WDR33: variants seen among roughly 807,000 people sequenced by gnomAD.
WDR33 encodes the protein WD repeat domain 33.
In WDR33, 47 loss-of-function variants were observed where a neutral mutation model predicts 164.9. The observed-to-expected ratio is 0.29, with a 90% confidence interval of 0.23 to 0.36. The LOEUF (loss-of-function observed/expected upper bound fraction) is 0.36. Ranked by LOEUF, WDR33 falls within the 10% of genes least tolerant of loss-of-function variation. The pLI, the probability that WDR33 is intolerant of heterozygous loss-of-function variation, is 1.00. For missense variants in WDR33, 1,137 were observed against 1,754.1 expected (o/e 0.65, Z 6.28); for synonymous variants, 505 against 589.0 (o/e 0.86, Z 2.06).
chr2:127,781,673 A>G (rs75749918), intron 1 of WDR33, among the ~76,000 whole-genome samples: 4,093 of 152,278 alleles, frequency 0.027, 201 homozygotes, highest in African/African-American at 0.093. Flanking sequence ...TTAAAAGTTA[A>G]CATGAGCAAT....
intron 7 of WDR33, among the ~76,000 whole-genome samples, chr2:127,753,247 G>C (rs1192984163): frequency 6.6e-6 from 1 of 152,176 alleles, no homozygotes; most frequent in Non-Finnish European, 1.5e-5. Flanking sequence ...ACTTCAAAAA[G>C]ACCAATTCTA....
rs908553178 is a variant in WDR33, at chr2:127,711,920, G to T, written c.3308+1663C>A. Among the ~76,000 whole-genome samples the T allele has an allele frequency of 2.0e-5, 3 of 150,438 alleles. No homozygotes were observed. The South Asian group carries it at 6.3e-4, about 32-fold the overall frequency. ...TCCGAGTAGCTGGGATTACAGGCACGCACCACCATGCCCGGCTAATTTTTT... is the reference window on the plus strand; with the variant it reads ...TCCGAGTAGCTGGGATTACAGGCACTCACCACCATGCCCGGCTAATTTTTT... On this transcript the variant is annotated intron_variant, in intron 18 of 21. Transcript: ENST00000322313.
intron 1 of WDR33, among the ~76,000 whole-genome samples, chr2:127,800,207 T>C (rs1689186306): frequency 6.6e-6 from 1 of 152,226 alleles, no homozygotes; most frequent in African/African-American, 2.4e-5. Flanking sequence ...TGTACGTGAA[T>C]GTTTACAGCA....
chr2:127,788,467 G>T (rs1157258879), intron 1 of WDR33, among the ~76,000 whole-genome samples: 1 of 130,378 alleles, frequency 7.7e-6, no homozygotes. Context: ...CTGGCCGGGC[G>T]GGGGGCTGAC....
chr2:127,791,811 A>C (rs1189417282), intron 1 of WDR33, among the ~76,000 whole-genome samples: 1 of 152,228 alleles, frequency 6.6e-6, no homozygotes, highest in East Asian at 1.9e-4. Flanking sequence ...ATGAGGTAAA[A>C]GTAACATACC....
Position 127,706,427 on chromosome 2 carries a change from G to T in WDR33, c.3907C>A (p.Pro1303Thr), listed in dbSNP as rs140993885. 1 of 1,613,744 alleles carries T rather than the reference G, an allele frequency of 6.2e-7. No individual in the cohort carries two copies. Among genetic ancestry groups the T allele is most frequent in the East Asian group, 2.2e-5 (1 of 44,856 alleles). ...PFGGPPGSGT[P>T]SRGGRSGSNW... ...CTGCCACTCCGGCCCCCTCGAGAAG[G>T]GGTGCCACTGCCTGGAGGGCCCCCA... Residue 1303 changes from proline (P) to threonine (T), a missense_variant, in exon 22 of 22, where the codon CCT (proline) becomes ACT (threonine). This residue lies in a region of WDR33 where 867 missense variants were observed against 1,073.0 expected (regional missense o/e 0.81). Coordinates refer to ENST00000322313, the MANE Select transcript of WDR33 (RefSeq NM_018383.5). This position sits in a 1 kb window ranked among gnomAD's most constrained non-coding sequence, Gnocchi z 5.1.
intron 1 of WDR33, among the ~76,000 whole-genome samples, chr2:127,776,219 AG>A (rs1688179608): frequency 6.6e-6 from 1 of 152,216 alleles, no homozygotes. Flanking sequence ...GGACAGAGAG[AG>A]AAGACAGCCA....
intron 7 of WDR33, among the ~76,000 whole-genome samples, chr2:127,732,236 G>A (rs920619326): frequency 2.6e-5 from 4 of 151,434 alleles, no homozygotes; most frequent in African/African-American, 7.3e-5. Flanking sequence ...GCTAGTAACC[G>A]TTTTTTAGGG....
In WDR33 at chr2:127,764,704, T is replaced by C; in HGVS notation, c.626+124A>G. On this transcript the variant is annotated intron_variant, in intron 6 of 21. Transcript: ENST00000322313. This position sits in a 1 kb window ranked among gnomAD's most constrained non-coding sequence, Gnocchi z 6.2. ...TGAAAACAAAGAAAAATATTGTGTT[T>C]ATAGGGTGCAGAAAGTTTCCCAGAA... is the stretch of plus-strand genomic sequence containing the variant. The C allele has an allele frequency of 6.2e-7, 1 of 1,612,296 alleles. No individual in the cohort carries two copies. Among genetic ancestry groups the C allele is most frequent in the Non-Finnish European group, 8.5e-7 (1 of 1,179,022 alleles).
intron 1 of WDR33, among the ~76,000 whole-genome samples, chr2:127,774,314 A>C (rs1483095267): frequency 6.6e-6 from 1 of 151,976 alleles, no homozygotes; most frequent in Non-Finnish European, 1.5e-5. Context: ...AGTTTCCCAA[A>C]GTGCTGGGAT....
Position 127,720,356 on chromosome 2 carries a change from GGAAA to G in WDR33, c.1672-7_1672-4del, listed in dbSNP as rs745451290. ...GCAAGTCTTTCAATTTTAAGTTGCT[GGAAA>G]GAAAGAAAGAAAAAAGCATGTTGAA... On this transcript the variant is annotated splice_region_variant and splice_polypyrimidine_tract_variant and intron_variant, in intron 15 of 21. Coordinates refer to ENST00000322313, the MANE Select transcript of WDR33 (RefSeq NM_018383.5). The surrounding 1 kb of genome is among the most constrained non-coding windows in gnomAD (Gnocchi z 5.9). 1.1e-5 allele frequency: 17 copies of G among 1,499,594 alleles called. No individual in the cohort carries two copies. The South Asian group carries it at 1.3e-4, about 11-fold the overall frequency. 92.9% of individuals were successfully genotyped at this position (1,499,594 alleles called of 1,614,324 possible).
intron 1 of WDR33, among the ~76,000 whole-genome samples, chr2:127,801,861 G>C (rs576250962): frequency 3.3e-5 from 5 of 151,304 alleles, no homozygotes; most frequent in African/African-American, 7.3e-5. Flanking sequence ...TCCTGCCTGG[G>C]TGATACAGTG....
intron 1 of WDR33, among the ~76,000 whole-genome samples, chr2:127,810,049 T>C (rs1453693659): frequency 7.3e-6 from 1 of 137,696 alleles, no homozygotes; most frequent in African/African-American, 3.0e-5. Context: ...AGGCTATATA[T>C]ACATACACAC....
At chr2:127,748,994 T>C (rs1279186710) in intron 7 of WDR33, among the ~76,000 whole-genome samples, 1 of 152,112 alleles carries the variant, frequency 6.6e-6, no homozygotes, top group Non-Finnish European at 1.5e-5. Context: ...ACTCTTTTGA[T>C]GAAAGATTTT....
At chr2:127,803,483 G>A (rs1414378713) in intron 1 of WDR33, among the ~76,000 whole-genome samples, 3 of 151,922 alleles carry the variant, frequency 2.0e-5, no homozygotes, top group Non-Finnish European at 4.4e-5. Context: ...CACAAGAATC[G>A]CTTCAACCCA....
At chr2:127,761,440 T>A (rs1399533823) in intron 7 of WDR33, among the ~76,000 whole-genome samples, 1 of 152,172 alleles carries the variant, frequency 6.6e-6, no homozygotes, top group Admixed American at 6.5e-5. Context: ...GACCTCGTGA[T>A]CCGCCCACCT....
At position 127,706,506 on chromosome 2, in the gene WDR33, A is replaced by G. The variant is rs865856341; in HGVS notation, c.3828T>C (p.Arg1276=). 3.2e-5 allele frequency: 51 copies of G among 1,612,932 alleles called. No homozygotes were observed. Among genetic ancestry groups the G allele is most frequent in the Non-Finnish European group, 4.2e-5 (49 of 1,179,548 alleles). The change falls in exon 22 of 22, where the codon CGT becomes CGC. Residue 1276 remains arginine, a synonymous_variant. Coordinates refer to ENST00000322313, the MANE Select transcript of WDR33 (RefSeq NM_018383.5). This position sits in a 1 kb window ranked among gnomAD's most constrained non-coding sequence, Gnocchi z 5.1. The stretch of plus-strand genomic sequence containing the variant: ...GGTGCTCTCCGTCTAAGGAGCTGGA[A>G]CGCCCAGATTTGGGCACTCTCTGAG... ...GPAQRVPKSG[R]SSSLDGEHHD...
chr2:127,701,371 CA>C lies in WDR33; in HGVS notation c.*4951del, dbSNP rs1685872088. 2 of 675,874 alleles carry C rather than the reference CA, an allele frequency of 3.0e-6. No individual in the cohort carries two copies. Among genetic ancestry groups the C allele is most frequent in the Non-Finnish European group, 4.1e-6 (2 of 485,134 alleles). The allele number at this position is 675,874 out of a possible 1,614,324, so 41.9% of individuals were successfully genotyped here. On this transcript the variant is annotated 3_prime_UTR_variant, in exon 22 of 22. Transcript: ENST00000322313. ...GCGACCACGGTACTTGGGGACACCA[CA>C]AAAGTCCGCAGAGCAGGCACCGCGG...
chr2:127,767,672 G>A (rs1285020397), intron 4 of WDR33, among the ~76,000 whole-genome samples: 8 of 151,994 alleles, frequency 5.3e-5, no homozygotes, highest in East Asian at 1.9e-4. Flanking sequence ...CCGAGATCAC[G>A]CCACTGCACT....
Sources: allele counts gnomAD v4.1 joint callset (sites outside exome capture counted in the v4.1 genomes callset), GRCh38; gene constraint gnomAD v4.1.1; regional missense constraint gnomAD v4.1.1; non-coding constraint Gnocchi (gnomAD v3.1); transcripts MANE v1.5; gene names NCBI Gene and HGNC (gene_info 2026-07-23, HGNC 2026-07-21).